SLC38A8: variants seen among roughly 807,000 people sequenced by gnomAD.
SLC38A8 encodes amino acid transporter SLC38A8.
Under a neutral mutation model 46.0 loss-of-function variants are expected in SLC38A8, and 65 were observed. That is an observed-to-expected ratio of 1.41 (90% confidence interval 1.16 to 1.74). The LOEUF (loss-of-function observed/expected upper bound fraction) is 1.74, where lower values mean the gene tolerates loss of function less well. Among genes scored for constraint, SLC38A8 ranks in the 40% most tolerant of loss-of-function variants. SLC38A8 has a pLI of 0.00. For missense variants in SLC38A8, 998 were observed against 567.9 expected (o/e 1.76, Z -7.70); for synonymous variants, 447 against 243.7 (o/e 1.83, Z -7.77).
Position 84,036,886 on chromosome 16 carries a change from G to C in SLC38A8, c.204C>G (p.Phe68Leu), listed in dbSNP as rs762452091. Reference protein sequence around the residue: ...AFLVELVSLVFLISGLVILGY... With the variant: ...AFLVELVSLVLLISGLVILGY... ...CCAGGATGACCAGCCCGCTGATCAG[G>C]AAGACCAACGAGACCTGCGGAGAAG... is the stretch of plus-strand genomic sequence containing the variant. The change falls in exon 3 of 11, where the codon TTC becomes TTG. Residue 68 changes from phenylalanine (F) to leucine (L), a missense_variant. Transcript: ENST00000299709. The C allele has an allele frequency of 3.1e-6, 5 of 1,612,072 alleles. No individual in the cohort carries two copies. The highest frequency in any genetic ancestry group is 1.1e-5 in the South Asian group (1 of 90,942).
chr16:84,029,581 AAAG>A, intron 5 of SLC38A8, 30 bp from the exon 6 acceptor site: 4 of 1,612,044 alleles, frequency 2.5e-6, no homozygotes, highest in Non-Finnish European at 3.4e-6. Flanking sequence ...GGAGTTTATT[AAAG>A]AAGGGTCACA....
chr16:84,028,850 T>C (rs2085200614), intron 6 of SLC38A8, among the ~76,000 whole-genome samples: 1 of 152,152 alleles, frequency 6.6e-6, no homozygotes, highest in African/African-American at 2.4e-5. Context: ...ACCTGGCTGC[T>C]GCCCATACAT....
At chr16:84,024,507 G>C (rs946756454) in intron 6 of SLC38A8, among the ~76,000 whole-genome samples, 1 of 152,036 alleles carries the variant, frequency 6.6e-6, no homozygotes, top group Non-Finnish European at 1.5e-5. Context: ...GCAGGAGGGA[G>C]CGGTGGCTCA....
intron 2 of SLC38A8, 94 bp downstream of exon 2, chr16:84,041,875 C>G: frequency 8.9e-7 from 1 of 1,124,906 alleles, no homozygotes. Context: ...GCTTACAGGA[C>G]ACGCAACTCC....
chr16:84,033,500 A>T (rs369352434), intron 3 of SLC38A8, 31 bp from the exon 4 acceptor site: 1 of 1,566,056 alleles, frequency 6.4e-7, no homozygotes, highest in Non-Finnish European at 8.6e-7. Context: ...GCTGAGCCAC[A>T]GAGTACAAAT....
chr16:84,011,702 T>G (rs2084955979), intron 10 of SLC38A8, among the ~76,000 whole-genome samples: 1 of 152,176 alleles, frequency 6.6e-6, no homozygotes, highest in Admixed American at 6.5e-5. Flanking sequence ...GGGTGGACCC[T>G]AATCTGATGG....
chr16:84,019,865 G>C (rs898112126), intron 7 of SLC38A8, among the ~76,000 whole-genome samples: 1 of 152,246 alleles, frequency 6.6e-6, no homozygotes, highest in African/African-American at 2.4e-5. Context: ...AGACACTCAA[G>C]CGTCAAGCTG....
In SLC38A8 at chr16:84,009,774, T is replaced by C. The variant is rs1400280775; in HGVS notation, c.*10A>G. On this transcript the variant is annotated 3_prime_UTR_variant, in exon 11 of 11. Coordinates refer to ENST00000299709, the MANE Select transcript of SLC38A8 (RefSeq NM_001080442.3). ...CGGAGGGCCCCTTCCTGCCCGGCAC[T>C]AGCTGCCCATCAGAACATCTCCCAG... The C allele has an allele frequency of 5.0e-6, 8 of 1,612,444 alleles. No homozygotes were observed. The highest frequency in any genetic ancestry group is 2.2e-5 in the East Asian group (1 of 44,838).
chr16:84,042,014 G>T lies in SLC38A8; in HGVS notation c.144C>A (p.Ala48=). 1.2e-6 allele frequency: 2 copies of T among 1,612,546 alleles called. No homozygotes were observed. Among genetic ancestry groups the T allele is most frequent in the Non-Finnish European group, 1.7e-6 (2 of 1,179,228 alleles). Residue 48 remains alanine (A), a synonymous_variant, in exon 2 of 11, where the codon GCC becomes GCA. Coordinates refer to ENST00000299709, the MANE Select transcript of SLC38A8 (RefSeq NM_001080442.3). ...GGACCACTCCGCCCGCTTTGGAGAA[G>T]GCCCAGGGGAAGTTGAGCAGGCCAG... ...LGAGLLNFPW[A]FSKAGGVVPA... is the part of the protein sequence containing the mutation.
intron 6 of SLC38A8, 94 bp downstream of exon 6, chr16:84,029,400 T>A: frequency 7.3e-7 from 1 of 1,372,526 alleles, no homozygotes; most frequent in Non-Finnish European, 1.0e-6. Flanking sequence ...CTCAGACGCC[T>A]CCCTGACAGA....
intron 3 of SLC38A8, 25 bp downstream of exon 3, chr16:84,036,676 AC>A (rs764534055): frequency 5.0e-6 from 8 of 1,613,158 alleles, no homozygotes; most frequent in African/African-American, 1.3e-5. Flanking sequence ...ACCCTGGGCC[AC>A]CCCGAGTCCC....
chr16:84,035,524 C>A (rs2085291062), intron 3 of SLC38A8, among the ~76,000 whole-genome samples: 1 of 152,194 alleles, frequency 6.6e-6, no homozygotes, highest in Non-Finnish European at 1.5e-5. Flanking sequence ...AAGACCCGAC[C>A]ATATGCTGCC....
At position 84,022,684 on chromosome 16, in the gene SLC38A8, C is replaced by G. The variant is rs185463443; in HGVS notation, c.805+91G>C. 1.0e-5 allele frequency: 10 copies of G among 964,566 alleles called. No homozygotes were observed. The Middle Eastern group carries it at 1.5e-3, about 141-fold the overall frequency. The allele number at this position is 964,566 out of a possible 1,614,324, so 59.8% of individuals were successfully genotyped here. On this transcript the variant is annotated intron_variant, in intron 7 of 10. Coordinates refer to ENST00000299709, the MANE Select transcript of SLC38A8 (RefSeq NM_001080442.3). ...AAAACATTGAGTATTGAGCCCAGCA[C>G]GTGGTAAACTCTCTAGAGAGATACT...
chr16:84,028,141 C>T (rs1292757438), intron 6 of SLC38A8, among the ~76,000 whole-genome samples: 1 of 151,678 alleles, frequency 6.6e-6, no homozygotes, highest in Admixed American at 6.6e-5. Context: ...GAGACGAGCT[C>T]AATGGCTACA....
intron 3 of SLC38A8, 144 bp from the exon 4 acceptor site, chr16:84,033,613 T>A: frequency 2.3e-6 from 2 of 887,316 alleles, no homozygotes; most frequent in Non-Finnish European, 3.4e-6. Flanking sequence ...ACAAGTGAGA[T>A]GGAGACAGGT....
Position 84,036,692 on chromosome 16 carries a change from A to C in SLC38A8, c.388+10T>G. 1 of 1,613,970 alleles carries C rather than the reference A, an allele frequency of 6.2e-7. No homozygotes were observed. Among genetic ancestry groups the C allele is most frequent in the Non-Finnish European group, 8.5e-7 (1 of 1,180,004 alleles). ...CCCTGGGCCACCCCGAGTCCCATGA[A>C]GGTACTTACGCTTCTCCAGCTGGTC... On this transcript the variant is annotated intron_variant, in intron 3 of 10. Transcript: ENST00000299709.
In SLC38A8 at chr16:84,042,121, C is replaced by G; in HGVS notation, c.37G>C (p.Glu13Gln). ...GCAGCCGTGGCAGGGTGAGGCTTTT[C>G]TGGAAGGCCCCTGCTTCCTGGGGTC... ...GQTPGSRGLP[E>Q]KPHPATAAAT... The change falls in exon 2 of 11, where the codon GAA (glutamate) becomes CAA (glutamine). Residue 13 changes from glutamate (E) to glutamine (Q), a missense_variant. Transcript: ENST00000299709. The G allele has an allele frequency of 6.2e-7, 1 of 1,613,676 alleles. No homozygotes were observed. Among genetic ancestry groups the G allele is most frequent in the Admixed American group, 1.7e-5 (1 of 59,954 alleles).
chr16:84,030,586 G>C (rs951955791), intron 5 of SLC38A8, among the ~76,000 whole-genome samples: 1 of 151,958 alleles, frequency 6.6e-6, no homozygotes, highest in Non-Finnish European at 1.5e-5. Flanking sequence ...CTGCTCCCAG[G>C]GACCCGCCCT....
chr16:84,028,671 G>T (rs1212134874), intron 6 of SLC38A8, among the ~76,000 whole-genome samples: 1 of 151,480 alleles, frequency 6.6e-6, no homozygotes, highest in African/African-American at 2.4e-5. Flanking sequence ...ACTGAGCCCA[G>T]GCCCGCCACC....
Sources: gnomAD v4.1 joint callset for allele counts (sites outside exome capture counted in the v4.1 genomes callset) on GRCh38, gnomAD v4.1.1 for gene constraint, MANE v1.5 for transcripts, NCBI Gene and HGNC (gene_info 2026-07-23, HGNC 2026-07-21) for gene names.